The following TCF12 variants were observed in gnomAD, a reference collection of about 807,000 sequenced individuals.
The protein encoded by TCF12 is DNA-binding protein HTF4.
A neutral mutation model predicts 86.0 loss-of-function variants in TCF12; 45 were observed. That is an observed-to-expected ratio of 0.52 (90% CI 0.41 to 0.67). TCF12 has a LOEUF of 0.67. Ranked by LOEUF, TCF12 falls within the 30% of genes least tolerant of loss-of-function variation. The probability of loss-of-function intolerance (pLI) is 0.00; values close to 1 mark genes in which losing one functional copy is unlikely to be tolerated. For missense variants in TCF12, 881 were observed against 859.9 expected (o/e 1.02, Z -0.31); for synonymous variants, 330 against 299.6 (o/e 1.10, Z -1.05).
chr15:57,132,311 G>C (rs756070554), intron 5 of TCF12, among the ~76,000 whole-genome samples: 1 of 152,056 alleles, frequency 6.6e-6, no homozygotes, highest in African/African-American at 2.4e-5. Flanking sequence ...TTAGCCTTTT[G>C]TGCAAAGTGT....
chr15:57,246,533 A>C lies in TCF12; in HGVS notation c.1114+2983A>C, dbSNP rs572416111. 8.7e-5 allele frequency among the ~76,000 whole-genome samples: 7 copies of C among 80,754 alleles called. No individual in the cohort carries two copies. In the East Asian group the frequency reaches 1.7e-3, roughly 20 times the overall value. The allele number at this position is 80,754 out of a possible 152,430, so 53.0% of individuals were successfully genotyped here. ...GCAAGACAGCAGTTCAGGGTACTAC[A>C]TGCAGACATATCTCCAGTAGATGAA... On this transcript the variant is annotated intron_variant, in intron 13 of 20. Transcript: ENST00000333725.
intron 3 of TCF12, among the ~76,000 whole-genome samples, chr15:57,057,172 C>T (rs2068095039): frequency 6.6e-6 from 1 of 152,124 alleles, no homozygotes. Context: ...TTGTGCCTGC[C>T]CTGTGAATGG....
chr15:57,067,742 G>C (rs2069023611), intron 4 of TCF12, among the ~76,000 whole-genome samples: 1 of 152,084 alleles, frequency 6.6e-6, no homozygotes, highest in African/African-American at 2.4e-5. Context: ...CTGTCTACCT[G>C]TGCAGAGAGC....
intron 5 of TCF12, among the ~76,000 whole-genome samples, chr15:57,116,218 C>T (rs1395841195): frequency 6.6e-6 from 1 of 152,144 alleles, no homozygotes; most frequent in East Asian, 1.9e-4. Flanking sequence ...TGTACTGACC[C>T]TGGGTCCTAC....
chr15:57,159,094 C>T (rs1246573236), intron 5 of TCF12, among the ~76,000 whole-genome samples: 1 of 152,186 alleles, frequency 6.6e-6, no homozygotes, highest in Non-Finnish European at 1.5e-5. Context: ...CTGACAGTAT[C>T]TTCTAGACAA....
intron 3 of TCF12, among the ~76,000 whole-genome samples, chr15:57,035,811 C>G (rs1214147193): frequency 6.6e-6 from 1 of 152,094 alleles, no homozygotes; most frequent in Non-Finnish European, 1.5e-5. Flanking sequence ...CAGGGGTCCC[C>G]AAACCCCTGG....
At chr15:57,168,235 G>A (rs1415060740) in intron 6 of TCF12, among the ~76,000 whole-genome samples, 1 of 152,162 alleles carries the variant, frequency 6.6e-6, no homozygotes, top group African/African-American at 2.4e-5. Flanking sequence ...TTACAATTCA[G>A]GGCTTCCATT....
At chr15:57,109,271 G>A (rs1436158685) in intron 5 of TCF12, 1 of 152,124 alleles carries the variant, frequency 6.6e-6, no homozygotes, top group Non-Finnish European at 1.5e-5. Context: ...AGTGTGTGGA[G>A]TCTGCTGGGG....
At chr15:57,076,280 G>A (rs72731905) in intron 4 of TCF12, among the ~76,000 whole-genome samples, 1 of 152,262 alleles carries the variant, frequency 6.6e-6, no homozygotes, top group Non-Finnish European at 1.5e-5. Context: ...AAACATTTAT[G>A]TATTAGTTAA....
chr15:57,116,671 C>G (rs2050860460), intron 5 of TCF12, among the ~76,000 whole-genome samples: 1 of 152,048 alleles, frequency 6.6e-6, no homozygotes, highest in Non-Finnish European at 1.5e-5. Flanking sequence ...GTAGTATTTT[C>G]TAAGTCCAGA....
intron 4 of TCF12, among the ~76,000 whole-genome samples, chr15:57,085,823 G>C (rs1203086705): frequency 6.6e-6 from 1 of 152,058 alleles, no homozygotes; most frequent in Non-Finnish European, 1.5e-5. Flanking sequence ...TGGCTTATGG[G>C]TTTTGGCCGA....
rs148928980 is a variant in TCF12 at position 57,002,602 on chromosome 15, A to C, written c.149-61148A>C. On this transcript the variant is annotated intron_variant, in intron 3 of 20. Transcript: ENST00000333725. ...AGCAAAAGACAGTTATCGGTCAAGC[A>C]TGTCATTTCTAGATTCCCACATAGA... is the stretch of plus-strand genomic sequence containing the variant. Among the ~76,000 whole-genome samples the C allele has an allele frequency of 5.8e-3, 885 of 152,330 alleles. 4 individuals are homozygous for C. Among genetic ancestry groups the C allele is most frequent in the Non-Finnish European group, 9.7e-3 (661 of 68,014 alleles).
At chr15:57,193,396 A>G (rs1249316159) in intron 7 of TCF12, among the ~76,000 whole-genome samples, 1 of 152,186 alleles carries the variant, frequency 6.6e-6, no homozygotes, top group Non-Finnish European at 1.5e-5. Context: ...CATATGAAGC[A>G]TTCAAACCTC....
intron 6 of TCF12, among the ~76,000 whole-genome samples, chr15:57,173,088 C>G (rs1326040861): frequency 1.3e-5 from 2 of 152,080 alleles, no homozygotes; most frequent in African/African-American, 2.4e-5. Flanking sequence ...GACTCTGTCT[C>G]AAAAACCAAT....
At chr15:57,197,864 C>T (rs2057348958) in intron 8 of TCF12, 39 bp downstream of exon 8, 1 of 1,600,184 alleles carries the variant, frequency 6.2e-7, no homozygotes, top group South Asian at 1.1e-5. Flanking sequence ...GGTAAACAAA[C>T]TGATTTCAAG....
intron 6 of TCF12, among the ~76,000 whole-genome samples, chr15:57,172,717 A>C (rs1206281496): frequency 6.6e-6 from 1 of 151,794 alleles, no homozygotes; most frequent in Non-Finnish European, 1.5e-5. Context: ...ACGTGTACAA[A>C]CCTCCCCGAC....
intron 19 of TCF12, among the ~76,000 whole-genome samples, chr15:57,273,744 T>A (rs2061254807): frequency 6.6e-6 from 1 of 152,152 alleles, no homozygotes; most frequent in Admixed American, 6.5e-5. Context: ...TACACCCATG[T>A]CAATAAGGTC....
chr15:57,246,488 A>G (rs576620430), intron 13 of TCF12, among the ~76,000 whole-genome samples: 4 of 152,156 alleles, frequency 2.6e-5, no homozygotes, highest in Non-Finnish European at 5.9e-5. Context: ...TCTACTTTGC[A>G]GTTCTTCCTC....
Position 56,919,886 on chromosome 15 carries a change from C to A in TCF12, c.-22-6C>A, listed in dbSNP as rs759369735. On this transcript the variant is annotated splice_polypyrimidine_tract_variant and splice_region_variant and intron_variant, in intron 1 of 20. Transcript: ENST00000333725. ...TCTCTCGCTGAGCCCGTTTCCTCTG[C>A]CCTAGGACCTGCTAGAAGTGGCCGA... The A allele has an allele frequency of 3.5e-5, 56 of 1,613,324 alleles. No individual in the cohort carries two copies. In the South Asian group the frequency reaches 6.2e-4, roughly 18 times the overall value.
Sources: gnomAD v4.1 joint callset for allele counts (sites outside exome capture counted in the v4.1 genomes callset) on GRCh38, gnomAD v4.1.1 for gene constraint, MANE v1.5 for transcripts, NCBI Gene and HGNC (gene_info 2026-07-23, HGNC 2026-07-21) for gene names.